The following TMEM232 variants were observed in gnomAD, a reference collection of about 807,000 sequenced individuals.
TMEM232 encodes transmembrane protein 232.
Under a neutral mutation model 78.8 loss-of-function variants are expected in TMEM232, and 80 were observed. The observed-to-expected ratio is 1.01, with a 90% CI of 0.85 to 1.22. TMEM232 has a LOEUF of 1.22. TMEM232 is among the 50% of genes most tolerant of loss of function. TMEM232 has a pLI of 0.00. For synonymous variants in TMEM232, 297 were observed against 254.3 expected (o/e 1.17, Z -1.60); for missense variants, 881 against 742.2 (o/e 1.19, Z -2.17).
intron 12 of TMEM232, among the ~76,000 whole-genome samples, chr5:110,488,447 T>C (rs1472600811): frequency 6.6e-6 from 1 of 152,022 alleles, no homozygotes; most frequent in Non-Finnish European, 1.5e-5. Flanking sequence ...TTCATACGTA[T>C]GGAGAATTAA....
At chr5:110,701,044 C>T (rs957922227) in intron 1 of TMEM232, among the ~76,000 whole-genome samples, 8 of 151,566 alleles carry the variant, frequency 5.3e-5, no homozygotes, top group Admixed American at 1.3e-4. Context: ...GCCTTCCACA[C>T]CAAAACATTT....
chr5:110,466,207 C>T (rs987785437), intron 12 of TMEM232, among the ~76,000 whole-genome samples: 1 of 152,096 alleles, frequency 6.6e-6, no homozygotes, highest in African/African-American at 2.4e-5. Context: ...GTGATATCAC[C>T]ACAGAAAAGT....
At chr5:110,713,360 CAAT>C (rs1217289038) in intron 1 of TMEM232, among the ~76,000 whole-genome samples, 2 of 151,782 alleles carry the variant, frequency 1.3e-5, no homozygotes, top group East Asian at 3.9e-4. Context: ...TTACTATAGT[CAAT>C]AATAATTTAA....
chr5:110,723,341 G>C (rs1797833672), intron 1 of TMEM232, among the ~76,000 whole-genome samples: 1 of 152,144 alleles, frequency 6.6e-6, no homozygotes, highest in African/African-American at 2.4e-5. Context: ...AAATGTAAGA[G>C]ACAGGTGGGG....
At chr5:110,481,533 C>T (rs945821729) in intron 12 of TMEM232, among the ~76,000 whole-genome samples, 3 of 152,092 alleles carry the variant, frequency 2.0e-5, no homozygotes, top group African/African-American at 7.2e-5. Context: ...TCCGCACACA[C>T]ACATAAACCA....
At chr5:110,723,892 A>G (rs959963882) in intron 1 of TMEM232, among the ~76,000 whole-genome samples, 1 of 152,210 alleles carries the variant, frequency 6.6e-6, no homozygotes, top group Non-Finnish European at 1.5e-5. Flanking sequence ...GATGATAGAC[A>G]TAAGAATGGT....
At chr5:110,460,570 A>G (rs1297070794) in intron 12 of TMEM232, among the ~76,000 whole-genome samples, 2 of 152,144 alleles carry the variant, frequency 1.3e-5, no homozygotes, top group Non-Finnish European at 2.9e-5. Context: ...ATTGCCTTTA[A>G]GTATAATTTG....
At chr5:110,645,711 G>C (rs905821550) in intron 2 of TMEM232, among the ~76,000 whole-genome samples, 2 of 151,540 alleles carry the variant, frequency 1.3e-5, no homozygotes, top group African/African-American at 2.4e-5. Flanking sequence ...AGTACTGCAA[G>C]TCTTAGCCAG....
intron 1 of TMEM232, among the ~76,000 whole-genome samples, chr5:110,670,617 A>G (rs1307851291): frequency 2.0e-5 from 3 of 151,946 alleles, no homozygotes; most frequent in African/African-American, 7.3e-5. Context: ...TGTAAAGCAA[A>G]TGGGATTTTT....
chr5:110,675,233 CG>C (rs1791879707), intron 1 of TMEM232, among the ~76,000 whole-genome samples: 1 of 151,716 alleles, frequency 6.6e-6, no homozygotes. Flanking sequence ...TTAGTAGAGA[CG>C]GGGTTTCACT....
Position 110,612,756 on chromosome 5 carries a change from G to A in TMEM232, c.902+5673C>T, listed in dbSNP as rs144841946. On this transcript the variant is annotated intron_variant, in intron 8 of 13. Transcript: ENST00000455884. ...TTTGTGTTGGAAGATATAATTTTAC[G>A]TCATACTGCTCGAATGAAATGCCAT... 3.5e-3 allele frequency among the ~76,000 whole-genome samples: 539 copies of A among 152,186 alleles called. 6 individuals are homozygous for A. Among genetic ancestry groups the A allele is most frequent in the Non-Finnish European group, 5.9e-3 (399 of 68,014 alleles).
intron 12 of TMEM232, among the ~76,000 whole-genome samples, chr5:110,484,671 T>A (rs930061946): frequency 6.6e-6 from 1 of 151,672 alleles, no homozygotes; most frequent in Non-Finnish European, 1.5e-5. Flanking sequence ...TAAACTAATA[T>A]AAAACAGACT....
intron 12 of TMEM232, among the ~76,000 whole-genome samples, chr5:110,492,250 ATAT>A (rs1442382004): frequency 2.0e-5 from 3 of 151,830 alleles, no homozygotes; most frequent in East Asian, 1.9e-4. Flanking sequence ...AAAGCACATA[ATAT>A]TATTAACAGA....
intron 12 of TMEM232, among the ~76,000 whole-genome samples, chr5:110,502,434 T>C (rs1282853416): frequency 6.6e-6 from 1 of 152,208 alleles, no homozygotes; most frequent in Non-Finnish European, 1.5e-5. Flanking sequence ...ACCTAGGTCA[T>C]TTTCAAGACC....
chr5:110,416,126 T>C (rs1432757526), downstream of TMEM232, among the ~76,000 whole-genome samples: 4 of 152,202 alleles, frequency 2.6e-5, no homozygotes, highest in African/African-American at 4.8e-5. Context: ...TTATAGAAGA[T>C]AATTTAAAAT....
At chr5:110,659,434 G>A (rs1789507141) in intron 2 of TMEM232, among the ~76,000 whole-genome samples, 1 of 152,144 alleles carries the variant, frequency 6.6e-6, no homozygotes, top group African/African-American at 2.4e-5. Flanking sequence ...TTTAGTTTCA[G>A]TTGTCCCAGG....
chr5:110,625,625 A>G, intron 6 of TMEM232, 192 bp from the exon 7 acceptor site: 1 of 372,776 alleles, frequency 2.7e-6, no homozygotes. Context: ...TAAATAATTT[A>G]TACGTAAGAG....
chr5:110,628,354 C>G (rs1490348985), intron 5 of TMEM232, among the ~76,000 whole-genome samples: 1 of 152,114 alleles, frequency 6.6e-6, no homozygotes, highest in East Asian at 1.9e-4. Flanking sequence ...GTTTGAGAAC[C>G]ATTGCATTAG....
chr5:110,561,500 A>G (rs1775743386), intron 11 of TMEM232, among the ~76,000 whole-genome samples: 1 of 152,112 alleles, frequency 6.6e-6, no homozygotes, highest in Non-Finnish European at 1.5e-5. Context: ...ATCAAATCTT[A>G]GCAATCATAA....
Sources: allele counts gnomAD v4.1 joint callset (sites outside exome capture counted in the v4.1 genomes callset), GRCh38; gene constraint gnomAD v4.1.1; transcripts MANE v1.5; gene names NCBI Gene and HGNC (gene_info 2026-07-23, HGNC 2026-07-21).